Variants in SLC16A2 observed in about 807,000 individuals in gnomAD.
SLC16A2 encodes the protein solute carrier family 16 member 2, also known as monocarboxylate transporter 8.
Under a neutral mutation model 27.2 loss-of-function variants are expected in SLC16A2, and 3 were observed. The observed-to-expected ratio is 0.11, with a 90% CI of 0.05 to 0.28. The LOEUF is 0.28. Among genes scored for constraint, SLC16A2 ranks in the 10% least tolerant of loss-of-function variants. The probability of loss-of-function intolerance (pLI) is 1.00; values close to 1 mark genes in which losing one functional copy is unlikely to be tolerated. For missense variants in SLC16A2, 295 were observed against 458.5 expected, an observed-to-expected ratio of 0.64 and a Z score of 3.26; for synonymous variants, 202 against 187.8, an observed-to-expected ratio of 1.08 and a Z score of -0.62.
At chrX:74,465,224 G>A (rs1929229087) in intron 1 of SLC16A2, among the ~76,000 whole-genome samples, 1 of 111,672 alleles carries the variant, frequency 9.0e-6, no homozygotes. Context: ...ATTTTAAAAG[G>A]TTTCATGAGG....
At chrX:74,427,502 A>T (rs191682920) in intron 1 of SLC16A2, among the ~76,000 whole-genome samples, 2 of 111,824 alleles carry the variant, frequency 1.8e-5, no homozygotes, top group Admixed American at 1.9e-4. Context: ...CCTCCAGCCC[A>T]TGAAGAGTAA....
At chrX:74,430,615 C>T (rs761402082) in intron 1 of SLC16A2, among the ~76,000 whole-genome samples, 1 of 112,344 alleles carries the variant, frequency 8.9e-6, no homozygotes, top group East Asian at 2.8e-4. Flanking sequence ...TACCATCTCA[C>T]ACCAGTCAGA....
intron 1 of SLC16A2, among the ~76,000 whole-genome samples, chrX:74,451,591 A>G (rs1038532193): frequency 3.5e-5 from 4 of 112,915 alleles, no homozygotes; most frequent in Non-Finnish European, 5.6e-5. Flanking sequence ...GCTTGGCCAT[A>G]AAGTGACACG....
rs757397841 is a variant in SLC16A2 at position 74,466,903 on chromosome X, G to A, written c.430+44836G>A. ...GCCCTAGAGAGGTTTTAGACTTTCA[G>A]TCAAGGTTCTGATATTTTTGGTCTG... On this transcript the variant is annotated intron_variant, in intron 1 of 5. Coordinates refer to ENST00000587091, the MANE Select transcript of SLC16A2 (RefSeq NM_006517.5). Among the ~76,000 whole-genome samples, 5 of 112,802 alleles carry A rather than the reference G, an allele frequency of 4.4e-5. No individual in the cohort carries two copies. In the East Asian group the frequency reaches 1.1e-3, roughly 25 times the overall value.
intron 1 of SLC16A2, among the ~76,000 whole-genome samples, chrX:74,492,418 G>A (rs1327378573): frequency 3.6e-5 from 4 of 110,791 alleles, no homozygotes; most frequent in African/African-American, 6.6e-5. Flanking sequence ...AAAGGTAGAG[G>A]GCCACATGTC....
intron 1 of SLC16A2, among the ~76,000 whole-genome samples, chrX:74,494,521 A>T (rs1345274505): frequency 2.7e-5 from 3 of 111,991 alleles, no homozygotes; most frequent in Non-Finnish European, 5.6e-5. Flanking sequence ...TCCAAACTTT[A>T]AATGTCTCAT....
At chrX:74,459,247 T>TATATACACACACATA (rs771637315) in intron 1 of SLC16A2, among the ~76,000 whole-genome samples, 1 of 99,314 alleles carries the variant, frequency 1.0e-5, no homozygotes, top group Non-Finnish European at 2.0e-5. Context: ...TATATATATC[T>TATATACACACACATA]CACAAGTGTT....
chrX:74,524,326 T>C, intron 2 of SLC16A2, 33 bp from the exon 3 acceptor site: 1 of 1,198,940 alleles, frequency 8.3e-7, no homozygotes. Context: ...CTGGTCAGGC[T>C]GCTGAGGACA....
chrX:74,499,576 C>A (rs1384937619), intron 1 of SLC16A2, among the ~76,000 whole-genome samples: 3 of 109,126 alleles, frequency 2.7e-5, no homozygotes, highest in Non-Finnish European at 5.7e-5. Flanking sequence ...GCCTCAGCCA[C>A]CCAAGTAGCT....
At chrX:74,498,781 G>T (rs1162551854) in intron 1 of SLC16A2, among the ~76,000 whole-genome samples, 1 of 111,878 alleles carries the variant, frequency 8.9e-6, no homozygotes, top group Non-Finnish European at 1.9e-5. Flanking sequence ...CTCAAGGCTG[G>T]TTTGTAAATC....
chrX:74,459,885 A>T (rs1929106212), intron 1 of SLC16A2, among the ~76,000 whole-genome samples: 1 of 111,601 alleles, frequency 9.0e-6, no homozygotes, highest in South Asian at 3.8e-4. Flanking sequence ...GTCAACAACT[A>T]GCATGGGTGG....
intron 1 of SLC16A2, among the ~76,000 whole-genome samples, chrX:74,449,077 G>C (rs893843618): frequency 9.0e-6 from 1 of 111,551 alleles, no homozygotes; most frequent in Non-Finnish European, 1.9e-5. Flanking sequence ...GCTGTGGAAG[G>C]CAAGGCAGGA....
At chrX:74,430,543 C>T (rs1928517735) in intron 1 of SLC16A2, among the ~76,000 whole-genome samples, 1 of 112,221 alleles carries the variant, frequency 8.9e-6, no homozygotes, top group African/African-American at 3.2e-5. Flanking sequence ...CGTCATAATT[C>T]TTGAGTCCAA....
intron 1 of SLC16A2, among the ~76,000 whole-genome samples, chrX:74,431,792 T>C (rs1928538385): frequency 9.0e-6 from 1 of 111,674 alleles, no homozygotes; most frequent in Non-Finnish European, 1.9e-5. Context: ...TTGTAAATTA[T>C]GAAGTGGTTG....
In SLC16A2 at chrX:74,451,590, T is replaced by C. The variant is rs373169108; in HGVS notation, c.430+29523T>C. On this transcript the variant is annotated intron_variant, in intron 1 of 5. Transcript: ENST00000587091. ...GGCTAAACCTCAGTAGGCTTGGCCA[T>C]AAAGTGACACGGAAAATTGATAGTT... is the stretch of plus-strand genomic sequence containing the variant. 4.1e-4 allele frequency among the ~76,000 whole-genome samples: 46 copies of C among 112,718 alleles called. 3 individuals carry two copies. In the East Asian group the frequency reaches 4.7e-3, roughly 12 times the overall value.
At chrX:74,500,967 C>T (rs1448336883) in intron 1 of SLC16A2, among the ~76,000 whole-genome samples, 1 of 109,045 alleles carries the variant, frequency 9.2e-6, no homozygotes, top group Non-Finnish European at 1.9e-5. Context: ...AAATATGTTT[C>T]CCCCCATTTA....
chrX:74,471,386 GT>G (rs1470936309), intron 1 of SLC16A2, among the ~76,000 whole-genome samples: 5 of 111,892 alleles, frequency 4.5e-5, no homozygotes, highest in African/African-American at 1.6e-4. Flanking sequence ...TTATTTTTCA[GT>G]TTGTTTAGCT....
chrX:74,432,023 A>G (rs1928543023), intron 1 of SLC16A2, among the ~76,000 whole-genome samples: 1 of 111,649 alleles, frequency 9.0e-6, no homozygotes, highest in South Asian at 3.7e-4. Flanking sequence ...AGGAGGGGCC[A>G]GATCCTAGGT....
intron 1 of SLC16A2, among the ~76,000 whole-genome samples, chrX:74,481,378 A>G (rs927179780): frequency 3.6e-5 from 4 of 111,914 alleles, no homozygotes; most frequent in African/African-American, 1.3e-4. Context: ...TACTAATTCT[A>G]TCTTTTTACT....
Sources: gnomAD v4.1 joint callset for allele counts (sites outside exome capture counted in the v4.1 genomes callset) on GRCh38, gnomAD v4.1.1 for gene constraint, MANE v1.5 for transcripts, NCBI Gene and HGNC (gene_info 2026-07-23, HGNC 2026-07-21) for gene names.